Variants in GASK1B observed in about 807,000 individuals in gnomAD.
GASK1B encodes the protein golgi associated kinase 1B.
Under a neutral mutation model 42.8 loss-of-function variants are expected in GASK1B, and 34 were observed. That is an observed-to-expected ratio of 0.79 (90% confidence interval 0.60 to 1.06). The LOEUF (loss-of-function observed/expected upper bound fraction) is 1.06, where lower values mean the gene tolerates loss of function less well. Among genes scored for constraint, GASK1B ranks in the 50% least tolerant of loss-of-function variants. The pLI is 0.00. For missense variants in GASK1B, 686 were observed against 661.0 expected (o/e 1.04, Z -0.42); for synonymous variants, 262 against 259.1 (o/e 1.01, Z -0.11).
chr4:158,155,508 A>C (rs1464265208), intron 3 of GASK1B, 103 bp downstream of exon 3: 1 of 1,011,364 alleles, frequency 9.9e-7, no homozygotes, highest in East Asian at 2.6e-5. Context: ...AGAAGTTATC[A>C]CCAGCTTCAT....
At chr4:158,148,902 A>G (rs1731433442) in intron 3 of GASK1B, among the ~76,000 whole-genome samples, 1 of 152,246 alleles carries the variant, frequency 6.6e-6, no homozygotes, top group South Asian at 2.1e-4. Context: ...AGTCAGGAAC[A>G]TGTATGAATA....
intron 3 of GASK1B, among the ~76,000 whole-genome samples, chr4:158,133,103 T>C (rs922757152): frequency 3.9e-5 from 6 of 152,180 alleles, no homozygotes; most frequent in Non-Finnish European, 8.8e-5. Context: ...AGAAATCAAA[T>C]GATATAAAAG....
At chr4:158,131,084 A>C in intron 3 of GASK1B, 72 bp from the exon 4 acceptor site, 2 of 1,304,102 alleles carry the variant, frequency 1.5e-6, no homozygotes, top group East Asian at 4.9e-5. Flanking sequence ...AGATTTTCAA[A>C]GATCAGTGCT....
chr4:158,138,325 T>A (rs1218793753), intron 3 of GASK1B, among the ~76,000 whole-genome samples: 2 of 152,224 alleles, frequency 1.3e-5, no homozygotes, highest in African/African-American at 4.8e-5. Context: ...CACATCCATT[T>A]TCCTGTAAAG....
chr4:158,150,771 G>C (rs1731526788), intron 3 of GASK1B, among the ~76,000 whole-genome samples: 1 of 152,136 alleles, frequency 6.6e-6, no homozygotes, highest in Non-Finnish European at 1.5e-5. Context: ...CCCCATAGCA[G>C]GACTCTTGAA....
At chr4:158,146,152 T>C (rs1731323027) in intron 3 of GASK1B, among the ~76,000 whole-genome samples, 1 of 152,118 alleles carries the variant, frequency 6.6e-6, no homozygotes, top group African/African-American at 2.4e-5. Flanking sequence ...GTTGTTTTTT[T>C]TTTTCAATAA....
chr4:158,157,460 T>C (rs997808860), intron 2 of GASK1B, among the ~76,000 whole-genome samples: 15 of 152,114 alleles, frequency 9.9e-5, no homozygotes, highest in African/African-American at 3.6e-4. Flanking sequence ...AAAGAATAAA[T>C]TCCAGGTAAA....
chr4:158,131,998 A>G (rs771174106), intron 3 of GASK1B, among the ~76,000 whole-genome samples: 1 of 152,182 alleles, frequency 6.6e-6, no homozygotes, highest in Admixed American at 6.6e-5. Flanking sequence ...ACACACCTAC[A>G]TACCATCCAA....
intron 3 of GASK1B, among the ~76,000 whole-genome samples, chr4:158,134,888 T>G (rs1730824487): frequency 6.6e-6 from 1 of 152,176 alleles, no homozygotes; most frequent in African/African-American, 2.4e-5. Flanking sequence ...CCTAAAGATG[T>G]TCCAACCCTA....
chr4:158,144,151 T>G (rs534670257), intron 3 of GASK1B, among the ~76,000 whole-genome samples: 188 of 152,296 alleles, frequency 1.2e-3, no homozygotes, highest in Non-Finnish European at 2.0e-3. Flanking sequence ...GAACACATCA[T>G]AGGTGCCCAA....
rs375061754 is a variant in GASK1B at position 158,158,504 on chromosome 4, C to T, written c.911-2679G>A. 1.1e-4 allele frequency among the ~76,000 whole-genome samples: 16 copies of T among 152,080 alleles called. No homozygotes were observed. The East Asian group carries it at 3.1e-3, about 29-fold the overall frequency. On this transcript the variant is annotated intron_variant, in intron 2 of 4. Transcript: ENST00000585682. ...AAGAAAAAAAGCTATTTGGGATCAT[C>T]TTGTATGTAGAGTTTGTCATAATTA...
intron 3 of GASK1B, among the ~76,000 whole-genome samples, chr4:158,137,959 T>C (rs948796789): frequency 1.3e-5 from 2 of 152,220 alleles, no homozygotes; most frequent in Non-Finnish European, 2.9e-5. Context: ...GAGCATTCAT[T>C]GCTCTATTCC....
chr4:158,167,018 C>T (rs904575459), intron 2 of GASK1B, among the ~76,000 whole-genome samples: 3 of 152,168 alleles, frequency 2.0e-5, no homozygotes, highest in Non-Finnish European at 4.4e-5. Flanking sequence ...AAAAAGTCTA[C>T]TGCATAGGAT....
chr4:158,171,496 T>G lies in GASK1B; in HGVS notation c.-121A>C. The G allele has an allele frequency of 9.5e-7, 1 of 1,047,860 alleles. No individual in the cohort carries two copies. Among genetic ancestry groups the G allele is most frequent in the Admixed American group, 3.1e-5 (1 of 32,652 alleles). 64.9% of individuals were successfully genotyped at this position (1,047,860 alleles called of 1,614,324 possible). On this transcript the variant is annotated 5_prime_UTR_variant, in exon 2 of 5. Coordinates refer to ENST00000585682, the MANE Select transcript of GASK1B (RefSeq NM_001128424.2). ...GCTTCGGGATATAAGTGGTCTCCAG[T>G]GGGCAGAGGTGGAAGGAAAGGGTTG...
intron 2 of GASK1B, among the ~76,000 whole-genome samples, chr4:158,158,771 C>T (rs964759039): frequency 1.3e-5 from 2 of 152,066 alleles, no homozygotes; most frequent in African/African-American, 4.8e-5. Context: ...ATTCCATTAA[C>T]ATTTTATTGT....
In GASK1B at chr4:158,131,057, A is replaced by C. The variant is rs770250003; in HGVS notation, c.1126-45T>G. 3.3e-6 allele frequency: 5 copies of C among 1,523,608 alleles called. No homozygotes were observed. In the South Asian group the frequency reaches 5.8e-5, roughly 18 times the overall value. The allele number at this position is 1,523,608 out of a possible 1,614,324, so 94.4% of individuals were successfully genotyped here. ...AATCCAAGATGCTGAGTGAAAACAA[A>C]ACTTGGGAAAGTTACAAGATTTTCA... On this transcript the variant is annotated intron_variant, in intron 3 of 4. Coordinates refer to ENST00000585682, the MANE Select transcript of GASK1B (RefSeq NM_001128424.2).
At chr4:158,169,974 G>T in intron 2 of GASK1B, 1 of 456,660 alleles carries the variant, frequency 2.2e-6, no homozygotes, top group South Asian at 4.1e-5. Flanking sequence ...AAAAAAGGGG[G>T]GGTTAAACCT....
intron 3 of GASK1B, 112 bp downstream of exon 3, chr4:158,155,499 G>T (rs1452427086): frequency 9.8e-6 from 9 of 918,738 alleles, no homozygotes; most frequent in Non-Finnish European, 1.3e-5. Context: ...CAAGCTAATA[G>T]AAGTTATCAC....
At chr4:158,136,022 C>T (rs550048591) in intron 3 of GASK1B, among the ~76,000 whole-genome samples, 1 of 152,252 alleles carries the variant, frequency 6.6e-6, no homozygotes, top group East Asian at 1.9e-4. Context: ...ACCAGATAAA[C>T]ATCTTGTTAG....
Sources: allele counts gnomAD v4.1 joint callset (sites outside exome capture counted in the v4.1 genomes callset), GRCh38; gene constraint gnomAD v4.1.1; transcripts MANE v1.5; gene names NCBI Gene and HGNC (gene_info 2026-07-23, HGNC 2026-07-21).